RASGRF1: variants seen among roughly 807,000 people sequenced by gnomAD.
The protein encoded by RASGRF1 is Ras protein specific guanine nucleotide releasing factor 1, also known as ras-specific guanine nucleotide-releasing factor 1.
RASGRF1 carries 40 observed loss-of-function variants against 138.7 expected under a neutral mutation model. The observed-to-expected ratio is 0.29, with a 90% CI of 0.22 to 0.38. The LOEUF is 0.38. Ranked by LOEUF, RASGRF1 falls within the 10% of genes least tolerant of loss-of-function variation. The probability of loss-of-function intolerance (pLI) is 1.00; values close to 1 mark genes in which losing one functional copy is unlikely to be tolerated. For synonymous variants in RASGRF1, 614 were observed against 663.2 expected, an observed-to-expected ratio of 0.93 and a Z score of 1.14; for missense variants, 1,108 against 1,650.4, an observed-to-expected ratio of 0.67 and a Z score of 5.69.
Position 78,999,769 on chromosome 15 carries a change from T to C in RASGRF1, c.2720A>G (p.Tyr907Cys). ...ANEGTPNKEK[Y>C]RRMSLASAGF... ...TGCACTGGCTAAGGACATCCTCCGG[T>C]ACTTCTCCTTGTTTGGGGTGCCCTC... is the stretch of plus-strand genomic sequence containing the variant. Residue 907 changes from tyrosine (Y) to cysteine (C), a missense_variant, in exon 17 of 27, where the codon TAC becomes TGC. Tyr to Cys is a radical substitution (Grantham distance 194). Transcript: ENST00000558480. 1 of 1,614,040 alleles carries C rather than the reference T, an allele frequency of 6.2e-7. No individual in the cohort carries two copies. Among genetic ancestry groups the C allele is most frequent in the African/African-American group, 1.3e-5 (1 of 75,046 alleles).
chr15:78,978,409 G>A (rs1235112494), intron 24 of RASGRF1: 2 of 622,846 alleles, frequency 3.2e-6, no homozygotes, highest in Non-Finnish European at 4.0e-6. Flanking sequence ...ATTTTCAGTA[G>A]AGACAGGGTT....
At position 79,006,536 on chromosome 15, in the gene RASGRF1, C is replaced by T. The variant is rs2056678402; in HGVS notation, c.1827-102G>A. On this transcript the variant is annotated intron_variant, in intron 13 of 26. Transcript: ENST00000558480. This position sits in a 1 kb window ranked among gnomAD's most constrained non-coding sequence, Gnocchi z 4.0. ...CTGCTTCCCCCACACACTGACAACA[C>T]AGGATGGTCTTATTAAGAGAACAAG... is the stretch of plus-strand genomic sequence containing the variant. 1.4e-6 allele frequency: 2 copies of T among 1,389,120 alleles called. No homozygotes were observed. The highest frequency in any genetic ancestry group is 9.8e-7 in the Non-Finnish European group (1 of 1,023,364). The allele number at this position is 1,389,120 out of a possible 1,614,324, so 86.0% of individuals were successfully genotyped here.
chr15:79,032,848 G>T lies in RASGRF1; in HGVS notation c.959-532C>A. 6.6e-6 allele frequency among the ~76,000 whole-genome samples: 1 copy of T among 152,158 alleles called. No individual in the cohort carries two copies. Among genetic ancestry groups the T allele is most frequent in the East Asian group, 1.9e-4 (1 of 5,198 alleles). Reference sequence around the variant, plus strand: ...CCAGTTCCTCCCTCTGCCTGTCCCCGTGCCCTATGGTGCTATGGCCTAGGA... The same window carrying T: ...CCAGTTCCTCCCTCTGCCTGTCCCCTTGCCCTATGGTGCTATGGCCTAGGA... On this transcript the variant is annotated intron_variant, in intron 6 of 26. Transcript: ENST00000558480. The surrounding 1 kb of genome is among the most constrained non-coding windows in gnomAD (Gnocchi z 4.5).
At chr15:78,985,474 G>A in intron 22 of RASGRF1, 1 of 360,610 alleles carries the variant, frequency 2.8e-6, no homozygotes, top group South Asian at 3.9e-5. Flanking sequence ...AAATACCTAG[G>A]AACTTAATGA....
chr15:78,979,337 C>T (rs948841445), intron 24 of RASGRF1: 2 of 520,698 alleles, frequency 3.8e-6, no homozygotes, highest in African/African-American at 4.0e-5. Flanking sequence ...AGCAGTCTGT[C>T]AAAGCCACTG....
chr15:78,978,841 T>C, intron 24 of RASGRF1: 1 of 1,177,540 alleles, frequency 8.5e-7, no homozygotes, highest in Non-Finnish European at 1.1e-6. Flanking sequence ...AGAACCTGGT[T>C]TGCATAAAGC....
At chr15:78,967,390 A>G (rs1431849835) in intron 26 of RASGRF1, among the ~76,000 whole-genome samples, 1 of 152,146 alleles carries the variant, frequency 6.6e-6, no homozygotes, top group Non-Finnish European at 1.5e-5. Flanking sequence ...TACAAAAAAT[A>G]TAAAAGAATT....
chr15:79,035,266 G>A lies in RASGRF1; in HGVS notation c.879-56C>T, dbSNP rs546973451. 2.6e-5 allele frequency: 38 copies of A among 1,460,272 alleles called. No homozygotes were observed. In the Admixed American group the frequency reaches 3.6e-4, roughly 14 times the overall value. The allele number at this position is 1,460,272 out of a possible 1,614,324, so 90.5% of individuals were successfully genotyped here. On this transcript the variant is annotated intron_variant, in intron 5 of 26. Transcript: ENST00000558480. Reference sequence around the variant, plus strand: ...CCCAGGGACTTCCTGCTGCTCCAGAGGTGACTGTCCCCAAACCTCCTGCGT... The same window carrying A: ...CCCAGGGACTTCCTGCTGCTCCAGAAGTGACTGTCCCCAAACCTCCTGCGT...
chr15:79,016,720 TACTCCTCTGGG>T (rs1163690643), intron 12 of RASGRF1, among the ~76,000 whole-genome samples: 1 of 152,192 alleles, frequency 6.6e-6, no homozygotes, highest in Admixed American at 6.5e-5. Flanking sequence ...CCACCCGCCT[TACTCCTCTGGG>T]ACTGCGAGAT....
intron 15 of RASGRF1, among the ~76,000 whole-genome samples, chr15:79,003,289 TC>T (rs890391908): frequency 2.0e-5 from 3 of 152,210 alleles, no homozygotes; most frequent in African/African-American, 7.2e-5. Flanking sequence ...CTAATGGTGT[TC>T]CCACCCCAAC....
intron 16 of RASGRF1, among the ~76,000 whole-genome samples, chr15:79,000,892 C>A (rs1269751703): frequency 6.6e-6 from 1 of 152,126 alleles, no homozygotes; most frequent in East Asian, 1.9e-4. Flanking sequence ...CTTTTGAAAG[C>A]CTGGATAGTG....
intron 10 of RASGRF1, among the ~76,000 whole-genome samples, chr15:79,024,172 C>G (rs924222056): frequency 6.6e-6 from 1 of 151,094 alleles, no homozygotes; most frequent in African/African-American, 2.4e-5. Context: ...ATATACCACA[C>G]CCACCCACCA....
At chr15:79,016,190 C>T (rs2056876896) in intron 12 of RASGRF1, among the ~76,000 whole-genome samples, 1 of 152,206 alleles carries the variant, frequency 6.6e-6, no homozygotes, top group South Asian at 2.1e-4. Context: ...CTTGGTGGCA[C>T]ATCACAGAAT....
chr15:79,077,888 G>A (rs2057859041), intron 1 of RASGRF1, among the ~76,000 whole-genome samples: 1 of 113,618 alleles, frequency 8.8e-6, no homozygotes, highest in Non-Finnish European at 1.6e-5. Context: ...TCTGCTCATT[G>A]CCTCCTCTGA....
rs2057201548 is a variant in RASGRF1, at chr15:79,035,201, G to A, written c.888C>T (p.Ile296=). 1.9e-6 allele frequency: 3 copies of A among 1,613,086 alleles called. No homozygotes were observed. Among genetic ancestry groups the A allele is most frequent in the Non-Finnish European group, 2.5e-6 (3 of 1,179,456 alleles). ...VSSIFLNSET[I]MFLHQIFYQG... ...GGTAAAAGATCTGATGTAAAAACATGATGGTTTCGCTGAAAGAGAAAGCAC... is the reference window on the plus strand; with the variant it reads ...GGTAAAAGATCTGATGTAAAAACATAATGGTTTCGCTGAAAGAGAAAGCAC... The change falls in exon 6 of 27, where the codon ATC becomes ATT. Residue 296 remains isoleucine, a synonymous_variant. Coordinates refer to ENST00000558480, the MANE Select transcript of RASGRF1 (RefSeq NM_001145648.3).
intron 1 of RASGRF1, among the ~76,000 whole-genome samples, chr15:79,088,806 A>G (rs1457353691): frequency 6.6e-6 from 1 of 152,180 alleles, no homozygotes; most frequent in Non-Finnish European, 1.5e-5. Context: ...CCCAGGCTCC[A>G]TTTGAGCTGA....
chr15:78,984,959 C>T (rs765414874), intron 23 of RASGRF1, 48 bp downstream of exon 23: 3 of 1,582,830 alleles, frequency 1.9e-6, no homozygotes, highest in Non-Finnish European at 2.6e-6. Flanking sequence ...CCTGCCCTAG[C>T]CCCAATCCAG....
chr15:78,991,818 C>T (rs371311411), intron 20 of RASGRF1, 24 bp from the exon 21 acceptor site: 7 of 1,589,502 alleles, frequency 4.4e-6, no homozygotes, highest in Non-Finnish European at 6.0e-6. Flanking sequence ...GGGGGAGCAA[C>T]ATTTTGAGTT....
At chr15:79,024,203 C>A (rs570268852) in intron 10 of RASGRF1, among the ~76,000 whole-genome samples, 1 of 151,506 alleles carries the variant, frequency 6.6e-6, no homozygotes, top group Non-Finnish European at 1.5e-5. Flanking sequence ...TATAAACATA[C>A]ACGGATATAC....
Sources: gnomAD v4.1 joint callset for allele counts (sites outside exome capture counted in the v4.1 genomes callset) on GRCh38, gnomAD v4.1.1 for gene constraint, Gnocchi (gnomAD v3.1) non-coding constraint, MANE v1.5 for transcripts, NCBI Gene and HGNC (gene_info 2026-07-23, HGNC 2026-07-21) for gene names.